The following MYH3 variants were observed in gnomAD, a reference collection of about 807,000 sequenced individuals.
MYH3 encodes myosin-3.
In MYH3, 130 loss-of-function variants were observed where a neutral mutation model predicts 238.0. The observed-to-expected ratio is 0.55, with a 90% CI of 0.47 to 0.63. The LOEUF (loss-of-function observed/expected upper bound fraction) is 0.63. Ranked by LOEUF, MYH3 falls within the 30% of genes least tolerant of loss-of-function variation. The pLI is 0.00. For synonymous variants in MYH3, 880 were observed against 924.1 expected (o/e 0.95, Z 0.86); for missense variants, 1,853 against 2,374.9 (o/e 0.78, Z 4.57).
Position 10,628,548 on chromosome 17 carries a change from T to C in MYH3, c.*105A>G. On this transcript the variant is annotated 3_prime_UTR_variant, in exon 41 of 41. Transcript: ENST00000583535. ...GGCCCCAGATTGAAACAAAGCAAAG[T>C]TTATTGCATGTGAAAAAGAGTCACA... 2 of 1,332,868 alleles carry C rather than the reference T, an allele frequency of 1.5e-6. No individual in the cohort carries two copies. Among genetic ancestry groups the C allele is most frequent in the Non-Finnish European group, 2.2e-6 (2 of 924,504 alleles). The allele number at this position is 1,332,868 out of a possible 1,614,324, so 82.6% of individuals were successfully genotyped here.
intron 33 of MYH3, among the ~76,000 whole-genome samples, chr17:10,633,234 C>G (rs576211228): frequency 6.6e-6 from 1 of 152,190 alleles, no homozygotes; most frequent in African/African-American, 2.4e-5. Context: ...ATCTTCAGTG[C>G]AGAAATAAAA....
intron 6 of MYH3, 151 bp from the exon 7 acceptor site, chr17:10,649,836 C>T (rs564251605): frequency 6.2e-5 from 47 of 754,616 alleles, no homozygotes; most frequent in Admixed American, 4.6e-4. Flanking sequence ...AGAAGGCAGA[C>T]GCCCAGGGCA....
chr17:10,639,437 T>G lies in MYH3; in HGVS notation c.2963A>C (p.Glu988Ala). 1 of 1,614,092 alleles carries G rather than the reference T, an allele frequency of 6.2e-7. No homozygotes were observed. The highest frequency in any genetic ancestry group is 1.3e-5 in the African/African-American group (1 of 75,052). Residue 988 changes from glutamate to alanine, a missense_variant, in exon 24 of 41, where the codon GAA becomes GCA. By Grantham distance (107) the Glu-to-Ala change is moderately radical. Around this residue, in one of 3 missense-constraint regions of MYH3, gnomAD observed 1,044 missense variants for 1,192.6 expected, o/e 0.88. Coordinates refer to ENST00000583535, the MANE Select transcript of MYH3 (RefSeq NM_002470.4). ...CTCTCTGGTTAACTTTGCAATTGTT[T>G]CATCTAACCCAGAGAGTTCCTCAGT... ...NLTEELSGLD[E>A]TIAKLTREKK...
intron 10 of MYH3, among the ~76,000 whole-genome samples, chr17:10,646,908 T>C (rs527914782): frequency 3.3e-5 from 5 of 152,038 alleles, no homozygotes; most frequent in Admixed American, 3.3e-4. Context: ...GGTAGCCTGG[T>C]GTGGGGGCAT....
chr17:10,664,018 G>A, the MYH3 span, among the ~76,000 whole-genome samples: 149 of 143,168 alleles, frequency 1.0e-3, no homozygotes, highest in African/African-American at 3.9e-3. Context: ...AGCCAAGATC[G>A]TGCCATTGCA....
the MYH3 span, chr17:10,676,890 T>C: frequency 6.6e-6 from 1 of 152,192 alleles, no homozygotes; most frequent in Non-Finnish European, 1.5e-5. Context: ...ATTACCCCTA[T>C]AAGGTCTAAA....
At position 10,644,230 on chromosome 17, in the gene MYH3, T is replaced by G. The variant is rs77676562; in HGVS notation, c.1410+121A>C. The G allele has an allele frequency of 8.1e-4, 839 of 1,029,554 alleles. 11 individuals carry two copies. In the East Asian group the frequency reaches 0.02, roughly 25 times the overall value. 63.8% of individuals were successfully genotyped at this position (1,029,554 alleles called of 1,614,324 possible). ...TACCGCTCCTCTATTCCATCCACTCTCCATCTAGTTTCTTACAGGAAACTA... is the reference window on the plus strand; with the variant it reads ...TACCGCTCCTCTATTCCATCCACTCGCCATCTAGTTTCTTACAGGAAACTA... On this transcript the variant is annotated intron_variant, in intron 14 of 40. Transcript: ENST00000583535.
chr17:10,645,258 C>T (rs1358570494), intron 12 of MYH3, among the ~76,000 whole-genome samples: 1 of 151,962 alleles, frequency 6.6e-6, no homozygotes, highest in Non-Finnish European at 1.5e-5. Flanking sequence ...GGTGAAACCC[C>T]GTTTCTACTA....
chr17:10,631,867 C>T lies in MYH3; in HGVS notation c.5106G>A (p.Leu1702=). The change falls in exon 35 of 41, where the codon CTG becomes CTA. Residue 1702 remains leucine, a synonymous_variant. Transcript: ENST00000583535. ...TGGAGTCCAGGAGCTCCTGTTCCGC[C>T]AGTTTCCGGGCCCTCTCCGTCTGCT... ...TLEQTERARK[L]AEQELLDSNE... 2 of 1,614,190 alleles carry T rather than the reference C, an allele frequency of 1.2e-6. No homozygotes were observed. Among genetic ancestry groups the T allele is most frequent in the South Asian group, 1.1e-5 (1 of 91,084 alleles).
Position 10,638,208 on chromosome 17 carries a change from G to A in MYH3, c.3564C>T (p.Ala1188=), listed in dbSNP as rs749722913. 6.2e-7 allele frequency: 1 copy of A among 1,613,834 alleles called. No homozygotes were observed. Among genetic ancestry groups the A allele is most frequent in the South Asian group, 1.1e-5 (1 of 91,054 alleles). Residue 1188 remains alanine, a synonymous_variant, in exon 27 of 41, where the codon GCC becomes GCT. Coordinates refer to ENST00000583535, the MANE Select transcript of MYH3 (RefSeq NM_002470.4). ...GCTTCTTCCTCAGCGCGGCCACCAT[G>A]GCTTCGTGCTGCAGTGTGGCCTCCT... is the stretch of plus-strand genomic sequence containing the variant. ...DLEEATLQHE[A]MVAALRKKHA...
chr17:10,639,550 A>G lies in MYH3; in HGVS notation c.2925+10T>C. 6.2e-7 allele frequency: 1 copy of G among 1,614,142 alleles called. No individual in the cohort carries two copies. Among genetic ancestry groups the G allele is most frequent in the Non-Finnish European group, 8.5e-7 (1 of 1,180,016 alleles). On this transcript the variant is annotated intron_variant, in intron 23 of 40. Coordinates refer to ENST00000583535, the MANE Select transcript of MYH3 (RefSeq NM_002470.4). The stretch of plus-strand genomic sequence containing the variant: ...CTATATCAAGCTAGACACACCTACA[A>G]TAAGAATACCTTGTTCTCTGTGGCA...
intron 33 of MYH3, 135 bp from the exon 34 acceptor site, chr17:10,632,919 G>A (rs1196997966): frequency 2.5e-5 from 26 of 1,028,226 alleles, no homozygotes; most frequent in South Asian, 2.4e-4. Context: ...CTTTTTAAAT[G>A]TCCCCAAATT....
At position 10,637,200 on chromosome 17, in the gene MYH3, C is replaced by T. The variant is rs576255968; in HGVS notation, c.3856+609G>A. Among the ~76,000 whole-genome samples, 11 of 152,012 alleles carry T rather than the reference C, an allele frequency of 7.2e-5. No individual in the cohort carries two copies. The South Asian group carries it at 1.9e-3, about 26-fold the overall frequency. On this transcript the variant is annotated intron_variant, in intron 28 of 40. Coordinates refer to ENST00000583535, the MANE Select transcript of MYH3 (RefSeq NM_002470.4). ...TCAGCCTCCCAAGTAGCTGGGATTA[C>T]AGGCACCCACCACCATGCCTCGCTA...
chr17:10,643,993 C>G (rs1255462222), intron 14 of MYH3, among the ~76,000 whole-genome samples: 1 of 151,940 alleles, frequency 6.6e-6, no homozygotes, highest in African/African-American at 2.4e-5. Context: ...AACCCCATCT[C>G]TACTAAAAAT....
At chr17:10,649,061 C>T (rs1248867741) in intron 7 of MYH3, among the ~76,000 whole-genome samples, 7 of 152,126 alleles carry the variant, frequency 4.6e-5, no homozygotes, top group Non-Finnish European at 7.4e-5. Context: ...AAAGCCCCAC[C>T]CTCCTTGACT....
At chr17:10,633,868 C>G in intron 32 of MYH3, 149 bp downstream of exon 32, 3 of 1,472,058 alleles carry the variant, frequency 2.0e-6, no homozygotes, top group Non-Finnish European at 2.8e-6. Context: ...GAGGCTAAAA[C>G]GTAACCCGTC....
At chr17:10,655,363 G>C (rs2074417912) in intron 2 of MYH3, among the ~76,000 whole-genome samples, 1 of 152,194 alleles carries the variant, frequency 6.6e-6, no homozygotes, top group Admixed American at 6.5e-5. Flanking sequence ...TAAGGGGTTT[G>C]GAAGTGAGCA....
rs2074117223 is a variant in MYH3, at chr17:10,628,645, G to A, written c.*8C>T. The A allele has an allele frequency of 3.1e-6, 5 of 1,614,178 alleles. No individual in the cohort carries two copies. The highest frequency in any genetic ancestry group is 1.6e-4 in the Middle Eastern group (1 of 6,062). ...GCATATCTTCTGTCCTGCTCCAGAA[G>A]GGCTGGCTCACTCTTCACTCTCGTG... On this transcript the variant is annotated 3_prime_UTR_variant, in exon 41 of 41. Coordinates refer to ENST00000583535, the MANE Select transcript of MYH3 (RefSeq NM_002470.4).
rs1230428527 is a variant in MYH3 at position 10,647,431 on chromosome 17, A to G, written c.736-5T>C. The stretch of plus-strand genomic sequence containing the variant: ...ATGGATTCGGATGAACTTGCCCTGT[A>G]TGGGGCGGGATTCAGGGGGAGACCA... On this transcript the variant is annotated splice_region_variant and splice_polypyrimidine_tract_variant and intron_variant, in intron 8 of 40. Coordinates refer to ENST00000583535, the MANE Select transcript of MYH3 (RefSeq NM_002470.4). 1.2e-6 allele frequency: 2 copies of G among 1,614,038 alleles called. No individual in the cohort carries two copies. Among genetic ancestry groups the G allele is most frequent in the Non-Finnish European group, 1.7e-6 (2 of 1,180,046 alleles).
Sources: allele counts gnomAD v4.1 joint callset (sites outside exome capture counted in the v4.1 genomes callset), GRCh38; gene constraint gnomAD v4.1.1; regional missense constraint gnomAD v4.1.1; transcripts MANE v1.5; gene names NCBI Gene and HGNC (gene_info 2026-07-23, HGNC 2026-07-21).